Variants in MDFI observed in about 807,000 individuals in gnomAD.
MDFI encodes the protein inhibitor of MyoD family a.
Under a neutral mutation model 22.3 loss-of-function variants are expected in MDFI, and 16 were observed. The observed-to-expected ratio is 0.72, with a 90% CI of 0.49 to 1.09. The LOEUF is 1.09. Among genes scored for constraint, MDFI ranks in the 50% least tolerant of loss-of-function variants. The probability of loss-of-function intolerance (pLI) is 0.00; values close to 1 mark genes in which losing one functional copy is unlikely to be tolerated. For missense variants in MDFI, 314 were observed against 326.1 expected, an observed-to-expected ratio of 0.96 and a Z score of 0.29; for synonymous variants, 145 against 142.7, an observed-to-expected ratio of 1.02 and a Z score of -0.12.
Position 41,638,714 on chromosome 6 carries a change from G to C in MDFI, c.-11-25G>C. On this transcript the variant is annotated intron_variant, in intron 1 of 4. Transcript: ENST00000230321. This position sits in a 1 kb window ranked among gnomAD's most constrained non-coding sequence, Gnocchi z 7.6. The stretch of plus-strand genomic sequence containing the variant: ...TCGCCCCTTGCCCGCCTCCGGCGCC[G>C]CCCGCTGAGCCCTGTTTTCCGCAGG... The C allele has an allele frequency of 6.5e-7, 1 of 1,543,288 alleles. No homozygotes were observed. The highest frequency in any genetic ancestry group is 8.7e-7 in the Non-Finnish European group (1 of 1,148,674).
intron 4 of MDFI, 71 bp downstream of exon 4, chr6:41,649,914 C>A (rs1033941528): frequency 7.6e-7 from 1 of 1,320,758 alleles, no homozygotes; most frequent in Non-Finnish European, 1.1e-6. Flanking sequence ...GACGCATGGG[C>A]CCACTGGAGC....
upstream of MDFI, chr6:41,637,411 T>TGCCG (rs1767679735): frequency 6.6e-6 from 1 of 151,908 alleles, no homozygotes; most frequent in African/African-American, 2.4e-5. This position sits in a 1 kb window ranked among gnomAD's most constrained non-coding sequence, Gnocchi z 6.8. Flanking sequence ...GCCGCTGCCT[T>TGCCG]CCAGTGTGCT....
chr6:41,650,573 CTT>C (rs34897556), intron 4 of MDFI, among the ~76,000 whole-genome samples: 19 of 129,662 alleles, frequency 1.5e-4, no homozygotes, highest in South Asian at 4.9e-4. Context: ...AGTCTTTTTC[CTT>C]TTTTTTTTTT....
At chr6:41,648,109 A>T (rs966446637) in intron 3 of MDFI, among the ~76,000 whole-genome samples, 1 of 151,464 alleles carries the variant, frequency 6.6e-6, no homozygotes, top group African/African-American at 2.4e-5. Context: ...TGCCTGGTAC[A>T]TAACACCAGT....
rs1339001204 is a variant in MDFI at position 41,653,640 on chromosome 6, G to A, written c.*65G>A. The A allele has an allele frequency of 8.9e-6, 14 of 1,581,160 alleles. No individual in the cohort carries two copies. Among genetic ancestry groups the A allele is most frequent in the Non-Finnish European group, 1.2e-5 (14 of 1,168,376 alleles). On this transcript the variant is annotated 3_prime_UTR_variant, in exon 5 of 5. Coordinates refer to ENST00000230321, the MANE Select transcript of MDFI (RefSeq NM_005586.4). This position sits in a 1 kb window ranked among gnomAD's most constrained non-coding sequence, Gnocchi z 4.2. Reference sequence around the variant, plus strand: ...ATTCCAGCAGGGTCCCTCTGAGTGGGGCCAGGCCCAGGACTGTCACACAAG... The same window carrying A: ...ATTCCAGCAGGGTCCCTCTGAGTGGAGCCAGGCCCAGGACTGTCACACAAG...
At position 41,653,309 on chromosome 6, in the gene MDFI, C is replaced by T. The variant is rs1410619864; in HGVS notation, c.485-10C>T. ...TCTCACCCGTCCCCCTCTCCACCGC[C>T]ACCCCGCAGACTGCTGTGTCCACTG... On this transcript the variant is annotated splice_polypyrimidine_tract_variant and intron_variant, in intron 4 of 4. Coordinates refer to ENST00000230321, the MANE Select transcript of MDFI (RefSeq NM_005586.4). This position sits in a 1 kb window ranked among gnomAD's most constrained non-coding sequence, Gnocchi z 4.2. The T allele has an allele frequency of 2.5e-6, 4 of 1,605,098 alleles. No individual in the cohort carries two copies. In the African/African-American group the frequency reaches 5.3e-5, roughly 21 times the overall value.
upstream of MDFI, among the ~76,000 whole-genome samples, chr6:41,637,524 A>T (rs1581821013): frequency 6.6e-6 from 1 of 151,594 alleles, no homozygotes; most frequent in South Asian, 2.1e-4. The surrounding 1 kb of genome is among the most constrained non-coding windows in gnomAD (Gnocchi z 6.8). Flanking sequence ...CCTGAGCATC[A>T]TCCCACGGGC....
chr6:41,646,677 AGC>A (rs750239055), intron 3 of MDFI, among the ~76,000 whole-genome samples: 7 of 152,184 alleles, frequency 4.6e-5, no homozygotes, highest in Non-Finnish European at 1.0e-4. Context: ...AAAAGGAAGA[AGC>A]CCCCAGTTGC....
At chr6:41,649,436 A>G (rs1768174691) in intron 3 of MDFI, among the ~76,000 whole-genome samples, 183 bp from the exon 4 acceptor site, 2 of 152,202 alleles carry the variant, frequency 1.3e-5, no homozygotes, top group African/African-American at 4.8e-5. Context: ...ACTCAATTTC[A>G]TGGCGTGGCT....
intron 2 of MDFI, among the ~76,000 whole-genome samples, chr6:41,645,854 A>G (rs1405075064): frequency 6.6e-6 from 1 of 151,740 alleles, no homozygotes; most frequent in Non-Finnish European, 1.5e-5. Context: ...ACTTCTCTTT[A>G]TATTCTGCCA....
At chr6:41,639,163 C>T (rs1022583832) in intron 2 of MDFI, 69 of 870,948 alleles carry the variant, frequency 7.9e-5, no homozygotes, top group Non-Finnish European at 1.8e-5. Flanking sequence ...TGTTTCTGCC[C>T]AGTGTGTAAA....
intron 2 of MDFI, among the ~76,000 whole-genome samples, chr6:41,639,057 C>A (rs1000700392): frequency 6.6e-6 from 1 of 151,812 alleles, no homozygotes; most frequent in Non-Finnish European, 1.5e-5. Context: ...GGCTCCAACT[C>A]CCCGCAACTC....
chr6:41,639,383 G>T (rs1226333751), intron 2 of MDFI: 1 of 985,068 alleles, frequency 1.0e-6, no homozygotes, highest in African/African-American at 1.7e-5. Context: ...CCCCTGCCCT[G>T]TGCACACACA....
chr6:41,650,096 G>A, intron 4 of MDFI: 1 of 453,774 alleles, frequency 2.2e-6, no homozygotes. Flanking sequence ...CCTTCTCAAG[G>A]CCACCTCCCC....
At chr6:41,650,384 A>G (rs1768224307) in intron 4 of MDFI, among the ~76,000 whole-genome samples, 1 of 152,170 alleles carries the variant, frequency 6.6e-6, no homozygotes, top group African/African-American at 2.4e-5. Flanking sequence ...CCTCCTCATC[A>G]GCCATCAATT....
Position 41,653,194 on chromosome 6 carries a change from G to A in MDFI, c.485-125G>A. 1.0e-6 allele frequency: 1 copy of A among 971,840 alleles called. No homozygotes were observed. Among genetic ancestry groups the A allele is most frequent in the South Asian group, 1.5e-5 (1 of 67,772 alleles). 60.2% of individuals were successfully genotyped at this position (971,840 alleles called of 1,614,324 possible). A position where few individuals can be genotyped will look rare whatever the true frequency, so the allele number is the denominator to read the frequency against. On this transcript the variant is annotated intron_variant, in intron 4 of 4. Transcript: ENST00000230321. The surrounding 1 kb of genome is among the most constrained non-coding windows in gnomAD (Gnocchi z 4.2). Reference sequence around the variant, plus strand: ...GTGGGGACGGATTCGTGAGCTTCAGGCACACAGTGAACACTCAGCGTCCCT... The same window carrying A: ...GTGGGGACGGATTCGTGAGCTTCAGACACACAGTGAACACTCAGCGTCCCT...
intron 2 of MDFI, among the ~76,000 whole-genome samples, chr6:41,645,158 G>A (rs1768000000): frequency 6.6e-6 from 1 of 152,064 alleles, no homozygotes; most frequent in Non-Finnish European, 1.5e-5. Context: ...GAGGTCTGAT[G>A]AGAGGCCCAG....
chr6:41,637,801 C>T (rs921731312), upstream of MDFI, among the ~76,000 whole-genome samples: 1 of 152,208 alleles, frequency 6.6e-6, no homozygotes, highest in Admixed American at 6.5e-5. The surrounding 1 kb of genome is among the most constrained non-coding windows in gnomAD (Gnocchi z 6.8). Flanking sequence ...CGGAGGACCT[C>T]TCTTTGCCCC....
At chr6:41,643,372 C>T (rs983622227) in intron 2 of MDFI, among the ~76,000 whole-genome samples, 2 of 152,236 alleles carry the variant, frequency 1.3e-5, no homozygotes, top group Middle Eastern at 6.8e-3. Flanking sequence ...GTAACTCTTG[C>T]ACCTCTGGGT....
Sources: gnomAD v4.1 joint callset for allele counts (sites outside exome capture counted in the v4.1 genomes callset) on GRCh38, gnomAD v4.1.1 for gene constraint, Gnocchi (gnomAD v3.1) non-coding constraint, MANE v1.5 for transcripts, NCBI Gene and HGNC (gene_info 2026-07-23, HGNC 2026-07-21) for gene names.